RPS6KC1: variants seen among roughly 807,000 people sequenced by gnomAD.
The protein encoded by RPS6KC1 is inactive ribosomal protein S6 kinase delta-1.
Under a neutral mutation model 103.8 loss-of-function variants are expected in RPS6KC1, and 54 were observed. The ratio of observed to expected loss-of-function variants is 0.52; its 90% CI spans 0.42 to 0.65. The LOEUF (loss-of-function observed/expected upper bound fraction) is 0.65, where lower values mean the gene tolerates loss of function less well. RPS6KC1 is among the 30% of genes least tolerant of loss of function. The pLI, the probability that RPS6KC1 is intolerant of heterozygous loss-of-function variation, is 0.00. For missense variants in RPS6KC1, 1,151 were observed against 1,253.8 expected, an observed-to-expected ratio of 0.92 and a Z score of 1.24; for synonymous variants, 439 against 438.7, an observed-to-expected ratio of 1.00 and a Z score of -0.01.
At chr1:213,370,223 A>G in the RPS6KC1 span, among the ~76,000 whole-genome samples, 1 of 149,514 alleles carries the variant, frequency 6.7e-6, no homozygotes, top group Non-Finnish European at 1.5e-5. Context: ...TTTGGACCTT[A>G]CCTGCTTCTC....
the RPS6KC1 span, among the ~76,000 whole-genome samples, chr1:213,414,304 C>T: frequency 8.5e-5 from 13 of 152,122 alleles, no homozygotes; most frequent in South Asian, 2.1e-4. Flanking sequence ...TTCATGTGCA[C>T]CTGGAGATCG....
At chr1:213,630,528 C>A in the RPS6KC1 span, among the ~76,000 whole-genome samples, 1 of 152,150 alleles carries the variant, frequency 6.6e-6, no homozygotes, top group East Asian at 1.9e-4. Flanking sequence ...GTTCGAACTT[C>A]CTCCTTTAGC....
chr1:213,340,051 C>T, the RPS6KC1 span, among the ~76,000 whole-genome samples: 855 of 152,284 alleles, frequency 5.6e-3, 6 homozygotes, highest in African/African-American at 0.019. Flanking sequence ...CGCCACCATG[C>T]CTGGCTAATT....
the RPS6KC1 span, among the ~76,000 whole-genome samples, chr1:213,798,756 C>A: frequency 6.6e-6 from 1 of 152,162 alleles, no homozygotes; most frequent in Non-Finnish European, 1.5e-5. Context: ...TATTTAATGA[C>A]AGAATTTTGG....
chr1:213,275,675 CTAAT>C (rs2095111151), downstream of RPS6KC1, among the ~76,000 whole-genome samples: 3 of 152,044 alleles, frequency 2.0e-5, no homozygotes, highest in South Asian at 6.2e-4. Flanking sequence ...TCAAATCAGG[CTAAT>C]TAACTTATCC....
chr1:213,826,821 T>C, the RPS6KC1 span, among the ~76,000 whole-genome samples: 21 of 152,108 alleles, frequency 1.4e-4, no homozygotes, highest in African/African-American at 5.1e-4. Context: ...AACAAAGGCA[T>C]AGAAAAGTTA....
the RPS6KC1 span, among the ~76,000 whole-genome samples, chr1:213,306,047 C>T: frequency 1.3e-5 from 2 of 152,316 alleles, no homozygotes; most frequent in East Asian, 3.9e-4. Flanking sequence ...AAGTTTATTT[C>T]TCATTCAGGC....
chr1:213,322,846 C>T, the RPS6KC1 span, among the ~76,000 whole-genome samples: 1 of 146,526 alleles, frequency 6.8e-6, no homozygotes, highest in African/African-American at 2.5e-5. Context: ...CTCCTGGGCT[C>T]AAGTGATTCT....
chr1:213,825,991 G>C, the RPS6KC1 span, among the ~76,000 whole-genome samples: 1 of 152,108 alleles, frequency 6.6e-6, no homozygotes, highest in Admixed American at 6.5e-5. Flanking sequence ...TTATTACCCA[G>C]ATATATCCAC....
intron 9 of RPS6KC1, among the ~76,000 whole-genome samples, chr1:213,231,576 TTG>T (rs909859498): frequency 6.6e-6 from 1 of 152,024 alleles, no homozygotes; most frequent in Non-Finnish European, 1.5e-5. Context: ...GAAACACATT[TTG>T]TGTGTGTGTG....
intron 8 of RPS6KC1, among the ~76,000 whole-genome samples, chr1:213,187,997 A>G (rs2092603240): frequency 6.6e-6 from 1 of 152,064 alleles, no homozygotes; most frequent in Non-Finnish European, 1.5e-5. Flanking sequence ...CAAAGGGATT[A>G]GGCTGGCAGT....
chr1:213,757,768 T>TGGCTTCAA, the RPS6KC1 span, among the ~76,000 whole-genome samples: 1 of 152,200 alleles, frequency 6.6e-6, no homozygotes, highest in African/African-American at 2.4e-5. Context: ...AGTCCATACC[T>TGGCTTCAA]GGCTTCAAAG....
At chr1:213,197,932 T>C (rs1032821930) in intron 8 of RPS6KC1, among the ~76,000 whole-genome samples, 2 of 152,196 alleles carry the variant, frequency 1.3e-5, no homozygotes, top group African/African-American at 4.8e-5. Context: ...ATGGAGCATT[T>C]AGGCCATTTA....
intron 6 of RPS6KC1, among the ~76,000 whole-genome samples, chr1:213,147,539 T>G (rs2088019810): frequency 6.6e-6 from 1 of 152,246 alleles, no homozygotes; most frequent in African/African-American, 2.4e-5. Context: ...TTCTCTATTC[T>G]GTTCCACTCA....
At chr1:213,664,708 G>A in the RPS6KC1 span, among the ~76,000 whole-genome samples, 3 of 152,168 alleles carry the variant, frequency 2.0e-5, no homozygotes, top group African/African-American at 7.2e-5. Flanking sequence ...CCTGGTCCAT[G>A]TTGCATGGCC....
the RPS6KC1 span, among the ~76,000 whole-genome samples, chr1:213,461,380 G>A: frequency 2.0e-4 from 31 of 152,162 alleles, no homozygotes; most frequent in African/African-American, 6.3e-4. Context: ...TAGATTCAAT[G>A]CCATCTCCAT....
At position 213,177,677 on chromosome 1, in the gene RPS6KC1, T is replaced by G. The variant is rs556007340; in HGVS notation, c.1044+1185T>G. 1.2e-4 allele frequency among the ~76,000 whole-genome samples: 18 copies of G among 152,326 alleles called. 1 individual carries two copies. The highest frequency in any genetic ancestry group is 1.1e-3 in the Admixed American group (17 of 15,308). ...TCATAACCGTGTTTTCTGTGGCTTT[T>G]CCAGTTTGGAAAACATTCAGTTTGA... is the stretch of plus-strand genomic sequence containing the variant. On this transcript the variant is annotated intron_variant, in intron 8 of 14. Transcript: ENST00000366960.
At chr1:213,217,078 C>A (rs1051816351) in intron 8 of RPS6KC1, among the ~76,000 whole-genome samples, 6 of 151,586 alleles carry the variant, frequency 4.0e-5, no homozygotes, top group African/African-American at 1.2e-4. Flanking sequence ...TCAATGAATC[C>A]AGGAGCTGGC....
chr1:213,515,708 T>C, the RPS6KC1 span, among the ~76,000 whole-genome samples: 1 of 152,208 alleles, frequency 6.6e-6, no homozygotes, highest in Non-Finnish European at 1.5e-5. Context: ...GACTTGGCAA[T>C]GCGGGCTCTT....
Sources: gnomAD v4.1 joint callset for allele counts (sites outside exome capture counted in the v4.1 genomes callset) on GRCh38, gnomAD v4.1.1 for gene constraint, MANE v1.5 for transcripts, NCBI Gene and HGNC (gene_info 2026-07-23, HGNC 2026-07-21) for gene names.